NRG1: variants seen among roughly 807,000 people sequenced by gnomAD.
The protein encoded by NRG1 is pro-neuregulin-1, membrane-bound isoform.
NRG1 carries 18 observed loss-of-function variants against 63.8 expected under a neutral mutation model. The ratio of observed to expected loss-of-function variants is 0.28; its 90% CI spans 0.19 to 0.42. The LOEUF (loss-of-function observed/expected upper bound fraction) is 0.42. Ranked by LOEUF, NRG1 falls within the 10% of genes least tolerant of loss-of-function variation. NRG1 has a pLI of 1.00. For synonymous variants in NRG1, 302 were observed against 301.3 expected (o/e 1.00, Z -0.02); for missense variants, 762 against 814.7 (o/e 0.94, Z 0.79).
intron 1 of NRG1, among the ~76,000 whole-genome samples, chr8:32,499,099 T>G (rs2129496178): frequency 6.6e-6 from 1 of 152,176 alleles, no homozygotes; most frequent in Admixed American, 6.5e-5. Context: ...CGAGAATAAA[T>G]AAGCAGAAAA....
chr8:32,547,781 G>A (rs780265000), upstream of NRG1, among the ~76,000 whole-genome samples: 1 of 152,154 alleles, frequency 6.6e-6, no homozygotes, highest in Non-Finnish European at 1.5e-5. Flanking sequence ...ACTTAAGTGA[G>A]TTAAGGAATG....
chr8:32,310,087 C>G (rs544539145), intron 1 of NRG1, among the ~76,000 whole-genome samples: 118 of 152,228 alleles, frequency 7.8e-4, no homozygotes, highest in Non-Finnish European at 1.2e-3. Context: ...CTGCAGGGCA[C>G]TGCTATGAAT....
At chr8:31,879,712 C>A (rs886883823) in intron 1 of NRG1, among the ~76,000 whole-genome samples, 2 of 152,110 alleles carry the variant, frequency 1.3e-5, no homozygotes, top group Non-Finnish European at 2.9e-5. Flanking sequence ...CTCCTCCTAC[C>A]CTCCACCCTC....
At chr8:32,691,516 A>G (rs1811649623) in intron 5 of NRG1, among the ~76,000 whole-genome samples, 1 of 152,142 alleles carries the variant, frequency 6.6e-6, no homozygotes, top group Admixed American at 6.5e-5. Flanking sequence ...CTGTTAAGAA[A>G]CACAGAATCT....
intron 1 of NRG1, among the ~76,000 whole-genome samples, chr8:31,728,421 G>A (rs61447170): frequency 0.026 from 4,030 of 152,188 alleles, 196 homozygotes; most frequent in African/African-American, 0.091. Context: ...CTGAGATCTC[G>A]CAAGTAATTG....
chr8:31,772,043 G>C (rs1366713115), intron 1 of NRG1, among the ~76,000 whole-genome samples: 2 of 152,128 alleles, frequency 1.3e-5, no homozygotes, highest in Admixed American at 1.3e-4. Context: ...ATAAGCACAT[G>C]GTTTCCAGAT....
intron 1 of NRG1, among the ~76,000 whole-genome samples, chr8:31,729,143 T>C (rs1813755065): frequency 6.6e-6 from 1 of 152,144 alleles, no homozygotes; most frequent in South Asian, 2.1e-4. Context: ...CTTTCAGTGA[T>C]ATATGTTAGG....
intron 1 of NRG1, among the ~76,000 whole-genome samples, chr8:32,023,764 G>C (rs776330427): frequency 6.6e-5 from 10 of 152,168 alleles, no homozygotes; most frequent in Non-Finnish European, 1.5e-4. Context: ...GAAAAGGCTT[G>C]AGGCAGGATT....
chr8:31,832,276 G>A, intron 1 of NRG1, among the ~76,000 whole-genome samples: 1 of 143,186 alleles, frequency 7.0e-6, no homozygotes, highest in East Asian at 2.4e-4. Flanking sequence ...TTCTTGAGAT[G>A]GGGTCTCAGT....
At chr8:31,955,697 T>C (rs1159237822) in intron 1 of NRG1, among the ~76,000 whole-genome samples, 1 of 151,996 alleles carries the variant, frequency 6.6e-6, no homozygotes, top group African/African-American at 2.4e-5. Context: ...CCTCAAAAAG[T>C]AGGGATGCAG....
intron 1 of NRG1, among the ~76,000 whole-genome samples, chr8:31,821,677 T>A (rs1489471417): frequency 6.6e-6 from 1 of 152,058 alleles, no homozygotes; most frequent in Admixed American, 6.5e-5. Flanking sequence ...GCAAGGCTCA[T>A]CAGCTTTTTC....
intron 1 of NRG1, among the ~76,000 whole-genome samples, chr8:32,132,294 CAT>C (rs1202473480): frequency 5.3e-5 from 8 of 152,046 alleles, no homozygotes; most frequent in African/African-American, 1.7e-4. Flanking sequence ...ATTCTGATGT[CAT>C]AAAAAGACTG....
intron 1 of NRG1, among the ~76,000 whole-genome samples, chr8:32,469,262 T>G (rs1249455640): frequency 6.6e-6 from 1 of 152,260 alleles, no homozygotes; most frequent in South Asian, 2.1e-4. Context: ...GTTTAGTACA[T>G]GTACAGCAGA....
At chr8:32,680,419 A>G (rs1385666687) in intron 5 of NRG1, among the ~76,000 whole-genome samples, 1 of 152,196 alleles carries the variant, frequency 6.6e-6, no homozygotes, top group Non-Finnish European at 1.5e-5. Context: ...AGATTACTGC[A>G]CAATTAATTA....
At position 31,726,543 on chromosome 8, in the gene NRG1, C is replaced by A. The variant is rs897434270; in HGVS notation, c.37+87112C>A. ...TGGGAATGTATATTTTTATAAAGCT[C>A]CACTGGTGACCTGGGTCAAGTTTTG... is the stretch of plus-strand genomic sequence containing the variant. On this transcript the variant is annotated intron_variant, in intron 1 of 10. Coordinates refer to the NRG1 transcript ENST00000519301. 2.6e-5 allele frequency among the ~76,000 whole-genome samples: 4 copies of A among 152,114 alleles called. No individual in the cohort carries two copies. In the South Asian group the frequency reaches 8.3e-4, roughly 32 times the overall value.
chr8:32,463,000 T>C (rs530944703), intron 1 of NRG1, among the ~76,000 whole-genome samples: 1 of 152,170 alleles, frequency 6.6e-6, no homozygotes, highest in South Asian at 2.1e-4. Flanking sequence ...TTCTACTCTC[T>C]GTTTCTATGT....
At chr8:32,514,889 T>C (rs573512558) in intron 1 of NRG1, among the ~76,000 whole-genome samples, 1 of 104,134 alleles carries the variant, frequency 9.6e-6, no homozygotes, top group African/African-American at 4.0e-5. Flanking sequence ...ACAAATATAT[T>C]GCATAATGCT....
chr8:31,709,891 T>A (rs1811567222), intron 1 of NRG1, among the ~76,000 whole-genome samples: 1 of 151,826 alleles, frequency 6.6e-6, no homozygotes, highest in Non-Finnish European at 1.5e-5. Flanking sequence ...AAATAATTTT[T>A]AAAATGTATT....
chr8:32,401,084 T>G (rs1372419226), intron 1 of NRG1, among the ~76,000 whole-genome samples: 1 of 151,994 alleles, frequency 6.6e-6, no homozygotes, highest in East Asian at 1.9e-4. Flanking sequence ...AAGTGGGAAC[T>G]AAACAATGAG....
Sources: gnomAD v4.1 joint callset for allele counts (sites outside exome capture counted in the v4.1 genomes callset) on GRCh38, gnomAD v4.1.1 for gene constraint, MANE v1.5 for transcripts, NCBI Gene and HGNC (gene_info 2026-07-23, HGNC 2026-07-21) for gene names.